Variants in GPC6 observed in about 807,000 individuals in gnomAD.
The protein encoded by GPC6 is glypican-6.
In GPC6, 14 loss-of-function variants were observed where a neutral mutation model predicts 55.2. The ratio of observed to expected loss-of-function variants is 0.25; its 90% CI spans 0.17 to 0.40. GPC6 has a LOEUF of 0.40. Among genes scored for constraint, GPC6 ranks in the 10% least tolerant of loss-of-function variants. GPC6 has a pLI of 1.00. For missense variants in GPC6, 641 were observed against 708.5 expected (o/e 0.90, Z 1.08); for synonymous variants, 278 against 259.6 (o/e 1.07, Z -0.68).
intron 4 of GPC6, among the ~76,000 whole-genome samples, chr13:94,105,684 G>T (rs1333063472): frequency 1.3e-5 from 2 of 152,254 alleles, no homozygotes; most frequent in South Asian, 2.1e-4. Context: ...AAGAAGAAAA[G>T]AAAATTAATT....
At chr13:93,400,183 C>T (rs1876015534) in intron 1 of GPC6, among the ~76,000 whole-genome samples, 2 of 152,106 alleles carry the variant, frequency 1.3e-5, no homozygotes, top group South Asian at 4.2e-4. Flanking sequence ...CTCACCTCTT[C>T]CGACCCGAAT....
At chr13:93,343,980 C>A (rs1247077314) in intron 1 of GPC6, among the ~76,000 whole-genome samples, 1 of 152,172 alleles carries the variant, frequency 6.6e-6, no homozygotes, top group Non-Finnish European at 1.5e-5. Context: ...TTCAAATTTC[C>A]TTTAGTGTCA....
chr13:93,375,532 T>C (rs1397823174), intron 1 of GPC6, among the ~76,000 whole-genome samples: 1 of 152,160 alleles, frequency 6.6e-6, no homozygotes, highest in East Asian at 1.9e-4. Flanking sequence ...GGAATGCGGG[T>C]CACCGTAAAT....
intron 4 of GPC6, among the ~76,000 whole-genome samples, chr13:94,184,806 G>A (rs1237444891): frequency 1.3e-5 from 2 of 152,102 alleles, no homozygotes; most frequent in Non-Finnish European, 2.9e-5. Flanking sequence ...CATGCCAAGT[G>A]AAATAGATCA....
chr13:94,144,547 ATG>A (rs67016286), intron 4 of GPC6, among the ~76,000 whole-genome samples: 21 of 148,430 alleles, frequency 1.4e-4, no homozygotes, highest in East Asian at 8.2e-4. Context: ...GTGTGTGTGT[ATG>A]TGTGTGTGTG....
chr13:93,677,492 TA>T (rs2139638000), intron 2 of GPC6, among the ~76,000 whole-genome samples: 2 of 152,088 alleles, frequency 1.3e-5, no homozygotes, highest in South Asian at 4.2e-4. Context: ...ATATATAATA[TA>T]ATACATAATA....
chr13:93,539,411 A>C (rs1417614992), intron 1 of GPC6, among the ~76,000 whole-genome samples: 1 of 152,182 alleles, frequency 6.6e-6, no homozygotes, highest in East Asian at 1.9e-4. Context: ...ATTTATTGCA[A>C]GACCAAGCAT....
At chr13:93,672,198 T>G (rs1440810981) in intron 2 of GPC6, among the ~76,000 whole-genome samples, 1 of 148,238 alleles carries the variant, frequency 6.7e-6, no homozygotes, top group African/African-American at 2.5e-5. Flanking sequence ...TTTTAATGAC[T>G]GTGTGTGTGT....
At chr13:94,359,107 C>T (rs1435637769) in intron 6 of GPC6, among the ~76,000 whole-genome samples, 1 of 152,110 alleles carries the variant, frequency 6.6e-6, no homozygotes, top group Non-Finnish European at 1.5e-5. Flanking sequence ...ACCCCACTTT[C>T]AGTTATCTTT....
chr13:93,746,521 A>G (rs1375262120), intron 2 of GPC6, among the ~76,000 whole-genome samples: 2 of 152,168 alleles, frequency 1.3e-5, no homozygotes, highest in Non-Finnish European at 2.9e-5. Context: ...GTGAGCAAGC[A>G]TACACTTCCA....
chr13:94,251,731 C>A (rs1473755), intron 4 of GPC6, among the ~76,000 whole-genome samples: 86,405 of 134,436 alleles, frequency 0.64, 25,151 homozygotes, highest in East Asian at 0.71. Flanking sequence ...AAAACAAAAA[C>A]AAAACAAACT....
At chr13:93,857,846 C>T (rs568102348) in intron 3 of GPC6, among the ~76,000 whole-genome samples, 9 of 151,164 alleles carry the variant, frequency 6.0e-5, no homozygotes, top group Admixed American at 3.3e-4. Flanking sequence ...AATATAAGTG[C>T]CAAACTATGT....
At chr13:94,342,424 C>T (rs1176620481) in intron 6 of GPC6, among the ~76,000 whole-genome samples, 1 of 151,968 alleles carries the variant, frequency 6.6e-6, no homozygotes, top group African/African-American at 2.4e-5. Context: ...GGAAGAACAC[C>T]GTGTAAAGAC....
At position 93,583,338 on chromosome 13, in the gene GPC6, T is replaced by TTGTGTGTGTGTG. The variant is rs34034260; in HGVS notation, c.319+37922_319+37933dup. Among the ~76,000 whole-genome samples the TTGTGTGTGTGTG allele has an allele frequency of 9.4e-3, 1,431 of 151,552 alleles. 24 individuals carry two copies. Among genetic ancestry groups the TTGTGTGTGTGTG allele is most frequent in the African/African-American group, 0.033 (1,355 of 41,292 alleles). ...GAATTTGTTTTAAAAGTAATGCACATTGTGTGTGTGTGTGTGCGCGCGCGC... is the reference window on the plus strand; with the variant it reads ...GAATTTGTTTTAAAAGTAATGCACATTGTGTGTGTGTGTGTGTGTGTGTGTGTGCGCGCGCGC... On this transcript the variant is annotated intron_variant, in intron 2 of 8. Coordinates refer to ENST00000377047, the MANE Select transcript of GPC6 (RefSeq NM_005708.5).
At chr13:94,334,883 T>A (rs551575725) in intron 6 of GPC6, among the ~76,000 whole-genome samples, 4 of 152,200 alleles carry the variant, frequency 2.6e-5, no homozygotes, top group Non-Finnish European at 5.9e-5. Context: ...AGAGTAATAT[T>A]AATAGTTATA....
chr13:94,046,246 A>G (rs185498411), intron 4 of GPC6, among the ~76,000 whole-genome samples: 1 of 152,098 alleles, frequency 6.6e-6, no homozygotes, highest in Non-Finnish European at 1.5e-5. Flanking sequence ...CACACAGGCC[A>G]CTCATTCTTT....
At chr13:94,117,506 A>T (rs770160364) in intron 4 of GPC6, among the ~76,000 whole-genome samples, 3 of 152,122 alleles carry the variant, frequency 2.0e-5, no homozygotes, top group Non-Finnish European at 4.4e-5. Flanking sequence ...TACCTAAATC[A>T]CACATGCTCA....
intron 3 of GPC6, among the ~76,000 whole-genome samples, chr13:93,970,442 G>A (rs1214552731): frequency 6.6e-6 from 1 of 151,884 alleles, no homozygotes; most frequent in African/African-American, 2.4e-5. Flanking sequence ...TCTTCCTGAG[G>A]TGGCCAACTG....
chr13:93,967,661 C>T (rs1880107945), intron 3 of GPC6, among the ~76,000 whole-genome samples: 1 of 152,082 alleles, frequency 6.6e-6, no homozygotes, highest in Non-Finnish European at 1.5e-5. Flanking sequence ...TTGTTTGGAC[C>T]TAGGAAGACT....
Sources: allele counts gnomAD v4.1 joint callset (sites outside exome capture counted in the v4.1 genomes callset), GRCh38; gene constraint gnomAD v4.1.1; transcripts MANE v1.5; gene names NCBI Gene and HGNC (gene_info 2026-07-23, HGNC 2026-07-21).